Variants in LYPD4 observed in about 807,000 individuals in gnomAD.
LYPD4 encodes the protein LY6/PLAUR domain containing 4, also known as ly6/PLAUR domain-containing protein 4.
LYPD4 carries 20 observed loss-of-function variants against 18.2 expected under a neutral mutation model. The observed-to-expected ratio is 1.10, with a 90% CI of 0.77 to 1.59. The LOEUF is 1.59. Among genes scored for constraint, LYPD4 ranks in the 40% most tolerant of loss-of-function variants. The pLI, the probability that LYPD4 is intolerant of heterozygous loss-of-function variation, is 0.00. For synonymous variants in LYPD4, 111 were observed against 118.3 expected (o/e 0.94, Z 0.40); for missense variants, 278 against 300.3 (o/e 0.93, Z 0.55).
At chr19:41,843,333 T>C (rs2073710729) in intron 1 of LYPD4, among the ~76,000 whole-genome samples, 1 of 152,042 alleles carries the variant, frequency 6.6e-6, no homozygotes, top group Non-Finnish European at 1.5e-5. Context: ...CTTTATAAAA[T>C]GAAGTATAAT....
downstream of LYPD4, among the ~76,000 whole-genome samples, chr19:41,836,781 T>G (rs1555830434): frequency 6.6e-6 from 1 of 151,070 alleles, no homozygotes; most frequent in African/African-American, 2.4e-5. Flanking sequence ...GAGGCTCTTC[T>G]CTAACTCATA....
chr19:41,839,681 T>TGTGTGTGTGTGTGTGTGTGG, intron 1 of LYPD4: 1 of 61,700 alleles, frequency 1.6e-5, no homozygotes, highest in Non-Finnish European at 3.9e-5. Flanking sequence ...TCGTGTGTGT[T>TGTGTGTGTGTGTGTGTGTGG]GTGTGTGTGT....
In LYPD4 at chr19:41,839,303, C is replaced by A; in HGVS notation, c.-18G>T. 6.2e-7 allele frequency: 1 copy of A among 1,612,804 alleles called. No homozygotes were observed. The highest frequency in any genetic ancestry group is 8.5e-7 in the Non-Finnish European group (1 of 1,178,758). On this transcript the variant is annotated 5_prime_UTR_variant, in exon 2 of 5. The change creates a new upstream start codon in the 5' untranslated region. Coordinates refer to ENST00000609812, the MANE Select transcript of LYPD4 (RefSeq NM_173506.7). ...GGTCCCATGGCCCTGTGTCTGGGTC[C>A]TGGGTGCTAGAGGTCAGTCTGGAAT...
chr19:41,836,939 C>A, downstream of LYPD4: 1 of 963,934 alleles, frequency 1.0e-6, no homozygotes. Flanking sequence ...AGGAATATTT[C>A]AGCTCCCCCA....
At chr19:41,841,665 CA>C (rs587607752) in intron 1 of LYPD4, among the ~76,000 whole-genome samples, 41,166 of 85,530 alleles carry the variant, frequency 0.48, 7,165 homozygotes, top group Middle Eastern at 0.59. Context: ...GACCCTGTCT[CA>C]AAAAAAAAAA....
Position 41,838,109 on chromosome 19 carries a change from C to A in LYPD4, c.364G>T (p.Glu122Ter). 6.2e-7 allele frequency: 1 copy of A among 1,613,954 alleles called. No homozygotes were observed. The highest frequency in any genetic ancestry group is 8.5e-7 in the Non-Finnish European group (1 of 1,179,950). Residue 122 changes from glutamate (E) to a stop codon, truncating the protein, a stop_gained, in exon 4 of 5, where the codon GAG becomes TAG. Transcript: ENST00000609812. LOFTEE classifies it high-confidence loss of function. ...CTGGCCTTGAGTTTCACAAAAGGCT[C>A]CAAATTGGTGAGGTTGTTGCAGAGA... ...SYLCNNLTNL[E>*]PFVKLKASTP...
intron 1 of LYPD4, among the ~76,000 whole-genome samples, chr19:41,839,879 A>T (rs1276043535): frequency 6.6e-6 from 1 of 151,938 alleles, no homozygotes; most frequent in South Asian, 2.1e-4. Flanking sequence ...GTAAAACCCC[A>T]TCTCTACTAA....
intron 3 of LYPD4, 108 bp downstream of exon 3, chr19:41,838,771 ATG>A: frequency 1.4e-6 from 1 of 715,060 alleles, no homozygotes; most frequent in Non-Finnish European, 2.1e-6. Flanking sequence ...ATATATATAT[ATG>A]TATAGTAACT....
chr19:41,840,359 G>A (rs2073541836), intron 1 of LYPD4, among the ~76,000 whole-genome samples: 2 of 152,022 alleles, frequency 1.3e-5, no homozygotes, highest in South Asian at 2.1e-4. Flanking sequence ...CCCCGGGGAT[G>A]GAGGTTGCAG....
intron 1 of LYPD4, among the ~76,000 whole-genome samples, chr19:41,840,445 C>A (rs1555833018): frequency 6.6e-6 from 1 of 152,134 alleles, no homozygotes; most frequent in Non-Finnish European, 1.5e-5. Flanking sequence ...TAAGATGCCC[C>A]TACAGGGAAA....
At chr19:41,840,748 T>C (rs992983838) in intron 1 of LYPD4, among the ~76,000 whole-genome samples, 6 of 151,294 alleles carry the variant, frequency 4.0e-5, no homozygotes, top group Non-Finnish European at 1.5e-5. Context: ...GAGAATGGTG[T>C]GAACCCGGGA....
Position 41,843,935 on chromosome 19 carries a change from A to G in LYPD4, c.-478T>C, listed in dbSNP as rs982224100. On this transcript the variant is annotated 5_prime_UTR_variant, in exon 1 of 5. Transcript: ENST00000609812. ...AAAAAAAAAAAAAAAAAAAAAAAAA[A>G]GGATGGAGCAGTAGTCAGAGGGGAT... 3.6e-5 allele frequency: 5 copies of G among 140,732 alleles called. No homozygotes were observed. Among genetic ancestry groups the G allele is most frequent in the Non-Finnish European group, 6.2e-5 (4 of 64,456 alleles). 8.7% of individuals were successfully genotyped at this position (140,732 alleles called of 1,614,324 possible). A position where few individuals can be genotyped will look rare whatever the true frequency, so the allele number is the denominator to read the frequency against.
intron 1 of LYPD4, 46 bp from the exon 2 acceptor site, chr19:41,839,451 C>T (rs1294122305): frequency 9.2e-6 from 6 of 655,624 alleles, no homozygotes; most frequent in South Asian, 1.9e-5. Flanking sequence ...CATAGGCTCC[C>T]TCAGACCTTC....
At chr19:41,842,771 A>AAAAAAAAAAAAAAAAAAAAAAAAAAAG in intron 1 of LYPD4, among the ~76,000 whole-genome samples, 1 of 57,320 alleles carries the variant, frequency 1.7e-5, no homozygotes, top group Non-Finnish European at 4.8e-5. Context: ...AAACAAAAAA[A>AAAAAAAAAAAAAAAAAAAAAAAAAAAG]AAAAAAAAAA....
downstream of LYPD4, chr19:41,837,049 C>G (rs2073387250): frequency 1.3e-6 from 2 of 1,568,264 alleles, no homozygotes; most frequent in East Asian, 4.6e-5. Context: ...CACCCCTGCT[C>G]TCTCATGGAC....
chr19:41,838,828 TG>T, intron 3 of LYPD4, 52 bp downstream of exon 3: 1 of 1,593,436 alleles, frequency 6.3e-7, no homozygotes, highest in Non-Finnish European at 8.6e-7. Flanking sequence ...GGAGTGGAGC[TG>T]GGGGTCAGAA....
chr19:41,840,375 T>A (rs1007666943), intron 1 of LYPD4, among the ~76,000 whole-genome samples: 1 of 151,896 alleles, frequency 6.6e-6, no homozygotes, highest in Non-Finnish European at 1.5e-5. Flanking sequence ...TGCAGTGAGC[T>A]ATGACTGTAC....
At chr19:41,835,677 TC>T (rs1555830143), downstream of LYPD4, 1 of 618,268 alleles carries the variant, frequency 1.6e-6, no homozygotes, top group African/African-American at 2.0e-5. Context: ...TATTCTGGCT[TC>T]CCAACCACCC....
downstream of LYPD4, among the ~76,000 whole-genome samples, chr19:41,836,178 G>T (rs2073368931): frequency 6.7e-6 from 1 of 150,304 alleles, no homozygotes; most frequent in Non-Finnish European, 1.5e-5. Context: ...TATGGCCAGA[G>T]AAAAGAATCA....
Sources: gnomAD v4.1 joint callset for allele counts (sites outside exome capture counted in the v4.1 genomes callset) on GRCh38, gnomAD v4.1.1 for gene constraint, MANE v1.5 for transcripts, NCBI Gene and HGNC (gene_info 2026-07-23, HGNC 2026-07-21) for gene names.